Variants in SLC22A15 observed in about 807,000 individuals in gnomAD.
The protein encoded by SLC22A15 is flipt 1.
SLC22A15 carries 45 observed loss-of-function variants against 62.7 expected under a neutral mutation model. That is an observed-to-expected ratio of 0.72 (90% CI 0.56 to 0.92). SLC22A15 has a LOEUF of 0.92. SLC22A15 is among the 40% of genes least tolerant of loss of function. The pLI is 0.00. For missense variants in SLC22A15, 622 were observed against 665.6 expected (o/e 0.93, Z 0.72); for synonymous variants, 264 against 267.0 (o/e 0.99, Z 0.11).
At chr1:116,030,924 C>A (rs1657363771) in intron 5 of SLC22A15, among the ~76,000 whole-genome samples, 1 of 151,624 alleles carries the variant, frequency 6.6e-6, no homozygotes, top group Non-Finnish European at 1.5e-5. Context: ...TCTATCTTGT[C>A]AGGCTTTTTT....
chr1:116,059,183 G>T (rs141751183), intron 8 of SLC22A15, among the ~76,000 whole-genome samples: 1 of 152,148 alleles, frequency 6.6e-6, no homozygotes, highest in African/African-American at 2.4e-5. Flanking sequence ...TACAGAGACC[G>T]CAAGTGTTGG....
chr1:116,066,612 C>G lies in SLC22A15; in HGVS notation c.1458C>G (p.Asn486Lys). 6.2e-7 allele frequency: 1 copy of G among 1,610,860 alleles called. No individual in the cohort carries two copies. Among genetic ancestry groups the G allele is most frequent in the Non-Finnish European group, 8.5e-7 (1 of 1,178,642 alleles). Residue 486 changes from asparagine to lysine, a missense_variant, in exon 11 of 12, where the codon AAC becomes AAG. Asn to Lys is a moderately conservative substitution (Grantham distance 94). Coordinates refer to ENST00000369503, the MANE Select transcript of SLC22A15 (RefSeq NM_018420.3). ...GTTTGTTATTGCCGGAGACCCTTAA[C>G]AGTCCGCTGCTAGAAACATTCTCCG... ...LLSLLLPETL[N>K]SPLLETFSDL...
intron 2 of SLC22A15, among the ~76,000 whole-genome samples, chr1:116,012,872 C>T (rs1283708934): frequency 6.6e-6 from 1 of 152,194 alleles, no homozygotes; most frequent in African/African-American, 2.4e-5. Flanking sequence ...GAAGGATCCT[C>T]TTTCATGATG....
At chr1:115,998,937 A>G (rs1655569506) in intron 2 of SLC22A15, among the ~76,000 whole-genome samples, 1 of 151,976 alleles carries the variant, frequency 6.6e-6, no homozygotes, top group South Asian at 2.1e-4. Flanking sequence ...CTCTCCTCTT[A>G]TTACTGCTGT....
intron 8 of SLC22A15, among the ~76,000 whole-genome samples, chr1:116,052,113 C>A (rs1032154036): frequency 6.6e-6 from 1 of 152,202 alleles, no homozygotes; most frequent in African/African-American, 2.4e-5. Flanking sequence ...TTGCCTCACT[C>A]GGGAAGTGCA....
intron 4 of SLC22A15, among the ~76,000 whole-genome samples, chr1:116,024,207 G>T (rs1345397556): frequency 1.3e-5 from 2 of 152,182 alleles, no homozygotes; most frequent in East Asian, 3.9e-4. Flanking sequence ...AGAAGAAAGA[G>T]GATGTGTCTG....
rs1239644410 is a variant in SLC22A15, at chr1:116,068,051, C to T, written c.*943C>T. The T allele has an allele frequency of 6.6e-6, 1 of 152,546 alleles. No individual in the cohort carries two copies. Among genetic ancestry groups the T allele is most frequent in the Non-Finnish European group, 1.5e-5 (1 of 68,034 alleles). The allele number at this position is 152,546 out of a possible 1,614,324, so 9.4% of individuals were successfully genotyped here. A position where few individuals can be genotyped will look rare whatever the true frequency, so the allele number is the denominator to read the frequency against. ...GATAAATTTTTGTTTGTTTTGCTTT[C>T]AGCATTGTGCCATGAGGGATTTGGA... On this transcript the variant is annotated 3_prime_UTR_variant, in exon 12 of 12. Coordinates refer to ENST00000369503, the MANE Select transcript of SLC22A15 (RefSeq NM_018420.3).
At chr1:116,013,130 C>G (rs1192280596) in intron 2 of SLC22A15, among the ~76,000 whole-genome samples, 1 of 152,158 alleles carries the variant, frequency 6.6e-6, no homozygotes, top group Non-Finnish European at 1.5e-5. Context: ...GCATTTTCAA[C>G]TTACCATATT....
intron 2 of SLC22A15, 84 bp downstream of exon 2, chr1:115,992,327 A>G (rs1655187426): frequency 8.6e-7 from 1 of 1,165,224 alleles, no homozygotes; most frequent in Admixed American, 2.4e-5. Context: ...TGATTTAAAT[A>G]TCAGCCACAT....
intron 2 of SLC22A15, among the ~76,000 whole-genome samples, chr1:116,011,852 A>G (rs531675995): frequency 6.6e-6 from 1 of 152,246 alleles, no homozygotes; most frequent in South Asian, 2.1e-4. Context: ...GGCAGGTGTC[A>G]TGCTTCATGG....
chr1:115,998,288 C>T (rs1444405114), intron 2 of SLC22A15, among the ~76,000 whole-genome samples: 1 of 152,040 alleles, frequency 6.6e-6, no homozygotes, highest in Non-Finnish European at 1.5e-5. Flanking sequence ...CAGGGTAATA[C>T]TGGCCTCGAA....
At position 116,064,540 on chromosome 1, in the gene SLC22A15, T is replaced by A. The variant is rs1320648048; in HGVS notation, c.1365+32T>A. On this transcript the variant is annotated intron_variant, in intron 10 of 11. Coordinates refer to ENST00000369503, the MANE Select transcript of SLC22A15 (RefSeq NM_018420.3). ...TTGTACCTTCTAGTTTTGTTTTTCT[T>A]GATTCTCTGCTTTGGAAATGCTTAT... is the stretch of plus-strand genomic sequence containing the variant. 5 of 1,430,016 alleles carry A rather than the reference T, an allele frequency of 3.5e-6. No homozygotes were observed. The East Asian group carries it at 1.1e-4, about 32-fold the overall frequency. 88.6% of individuals were successfully genotyped at this position (1,430,016 alleles called of 1,614,324 possible). A position where few individuals can be genotyped will look rare whatever the true frequency, so the allele number is the denominator to read the frequency against.
chr1:116,060,721 A>G (rs549451025), intron 8 of SLC22A15, among the ~76,000 whole-genome samples: 125 of 152,328 alleles, frequency 8.2e-4, no homozygotes, highest in Middle Eastern at 3.4e-3. Context: ...TATTGGTTTA[A>G]GTGAAAATGT....
chr1:116,057,164 A>G (rs1658231200), intron 8 of SLC22A15, among the ~76,000 whole-genome samples: 1 of 151,734 alleles, frequency 6.6e-6, no homozygotes, highest in Non-Finnish European at 1.5e-5. Context: ...TCATCTGACA[A>G]AGGGCTAATA....
intron 1 of SLC22A15, among the ~76,000 whole-genome samples, chr1:115,991,606 A>G (rs1254836504): frequency 6.6e-6 from 1 of 152,222 alleles, no homozygotes; most frequent in Non-Finnish European, 1.5e-5. Flanking sequence ...CAAGGTCAAG[A>G]TGCTCCTAGC....
chr1:116,045,829 C>T (rs1570765174), intron 8 of SLC22A15, among the ~76,000 whole-genome samples: 4 of 147,978 alleles, frequency 2.7e-5, no homozygotes, highest in Admixed American at 2.7e-4. Context: ...GATAATGGAA[C>T]AGAATTGAGT....
intron 3 of SLC22A15, 35 bp downstream of exon 3, chr1:116,019,749 G>T (rs1345103480): frequency 6.3e-7 from 1 of 1,583,548 alleles, no homozygotes; most frequent in East Asian, 2.2e-5. Context: ...CTGGATGAGA[G>T]GGCTTATTTC....
At chr1:116,034,450 T>C (rs1028404982) in intron 6 of SLC22A15, among the ~76,000 whole-genome samples, 4 of 152,218 alleles carry the variant, frequency 2.6e-5, no homozygotes, top group South Asian at 4.1e-4. Flanking sequence ...TGCCTAGCAC[T>C]ATGCCTGCCA....
intron 6 of SLC22A15, 98 bp from the exon 7 acceptor site, chr1:116,035,089 A>G: frequency 7.8e-7 from 1 of 1,276,624 alleles, no homozygotes; most frequent in Non-Finnish European, 1.1e-6. Context: ...AAGCAATTAT[A>G]TTGAACCAAT....
Sources: allele counts gnomAD v4.1 joint callset (sites outside exome capture counted in the v4.1 genomes callset), GRCh38; gene constraint gnomAD v4.1.1; transcripts MANE v1.5; gene names NCBI Gene and HGNC (gene_info 2026-07-23, HGNC 2026-07-21).